Variants in ADAM2 observed in about 807,000 individuals in gnomAD.
ADAM2 encodes the protein ADAM metallopeptidase domain 2.
Under a neutral mutation model 99.3 loss-of-function variants are expected in ADAM2, and 101 were observed. That is an observed-to-expected ratio of 1.02 (90% CI 0.87 to 1.20). The LOEUF (loss-of-function observed/expected upper bound fraction) is 1.20, where lower values mean the gene tolerates loss of function less well. Among genes scored for constraint, ADAM2 ranks in the 50% most tolerant of loss-of-function variants. The probability of loss-of-function intolerance (pLI) is 0.00; values close to 1 mark genes in which losing one functional copy is unlikely to be tolerated. For missense variants in ADAM2, 948 were observed against 878.7 expected (o/e 1.08, Z -1.00); for synonymous variants, 323 against 287.6 (o/e 1.12, Z -1.25).
At chr8:39,778,752 G>C (rs185309510) in intron 10 of ADAM2, among the ~76,000 whole-genome samples, 1 of 152,052 alleles carries the variant, frequency 6.6e-6, no homozygotes, top group Non-Finnish European at 1.5e-5. Context: ...GAGAAGGAGA[G>C]AGAATGATTC....
At chr8:39,775,403 T>C (rs956661391) in intron 11 of ADAM2, among the ~76,000 whole-genome samples, 1 of 152,076 alleles carries the variant, frequency 6.6e-6, no homozygotes, top group Non-Finnish European at 1.5e-5. Context: ...ATCTAGATCG[T>C]TCACCAAGTA....
chr8:39,787,837 A>G (rs931436352), intron 9 of ADAM2, among the ~76,000 whole-genome samples: 3 of 151,708 alleles, frequency 2.0e-5, no homozygotes, highest in Admixed American at 6.6e-5. Flanking sequence ...ATTTTTAATA[A>G]TGTGGTATAT....
intron 4 of ADAM2, among the ~76,000 whole-genome samples, chr8:39,823,842 A>G (rs1481520652): frequency 6.6e-6 from 1 of 152,126 alleles, no homozygotes; most frequent in Non-Finnish European, 1.5e-5. Context: ...AAAGCAACTA[A>G]CCATATCTAT....
In ADAM2 at chr8:39,821,571, A is replaced by C; in HGVS notation, c.344+15T>G. 2 of 1,531,612 alleles carry C rather than the reference A, an allele frequency of 1.3e-6. No individual in the cohort carries two copies. The highest frequency in any genetic ancestry group is 2.3e-5 in the South Asian group (2 of 87,424). 94.9% of individuals were successfully genotyped at this position (1,531,612 alleles called of 1,614,324 possible). A position where few individuals can be genotyped will look rare whatever the true frequency, so the allele number is the denominator to read the frequency against. ...AATATTTTATTTTGTAATTCATAAA[A>C]CAGTAAATTACAACCTGAGTCCAGT... On this transcript the variant is annotated intron_variant, in intron 5 of 20. Transcript: ENST00000265708.
chr8:39,805,372 C>A (rs1171725684), intron 7 of ADAM2, among the ~76,000 whole-genome samples: 1 of 152,004 alleles, frequency 6.6e-6, no homozygotes, highest in African/African-American at 2.4e-5. Context: ...GTTTACAAAG[C>A]CAATGAAAAG....
intron 7 of ADAM2, among the ~76,000 whole-genome samples, chr8:39,808,454 T>C (rs1486243977): frequency 2.0e-5 from 3 of 152,206 alleles, no homozygotes; most frequent in Admixed American, 6.5e-5. Flanking sequence ...GGATATATGA[T>C]GATCATGGAT....
chr8:39,820,213 A>G (rs1805119411), intron 6 of ADAM2, among the ~76,000 whole-genome samples: 1 of 152,192 alleles, frequency 6.6e-6, no homozygotes, highest in South Asian at 2.1e-4. Context: ...AAAGAAGAGA[A>G]TAAGCCAAAG....
chr8:39,813,191 A>C (rs925471799), intron 6 of ADAM2, among the ~76,000 whole-genome samples: 1 of 152,258 alleles, frequency 6.6e-6, no homozygotes, highest in African/African-American at 2.4e-5. Flanking sequence ...ACTGGCCATC[A>C]GAGAAATGCA....
At chr8:39,803,429 C>G (rs974054532) in intron 7 of ADAM2, among the ~76,000 whole-genome samples, 1 of 152,138 alleles carries the variant, frequency 6.6e-6, no homozygotes, top group Non-Finnish European at 1.5e-5. Flanking sequence ...CCAAGGTGCC[C>G]AGTCAACCTG....
intron 6 of ADAM2, 150 bp downstream of exon 6, chr8:39,820,852 G>T: frequency 4.2e-6 from 2 of 476,162 alleles, no homozygotes; most frequent in East Asian, 6.4e-5. Context: ...AATGATATAA[G>T]TTATGAAGTT....
chr8:39,761,269 C>T lies in ADAM2; in HGVS notation c.1520G>A (p.Gly507Asp). Residue 507 changes from glycine to aspartate, a missense_variant, in exon 15 of 21, where the codon GGC becomes GAC. Physicochemically the swap from Gly to Asp is moderately conservative, Grantham distance 94 (BLOSUM62 -1). Transcript: ENST00000265708. ...AAGGTGAGAATAACATTCTGAAGGG[C>T]CAAACTCTACTTCTGAAAATAAAAA... ...TDTFGKEVEF[G>D]PSECYSHLNS... 1 of 1,591,224 alleles carries T rather than the reference C, an allele frequency of 6.3e-7. No individual in the cohort carries two copies. Among genetic ancestry groups the T allele is most frequent in the Non-Finnish European group, 8.6e-7 (1 of 1,167,610 alleles).
At chr8:39,824,468 C>T (rs900441325) in intron 4 of ADAM2, among the ~76,000 whole-genome samples, 5 of 152,098 alleles carry the variant, frequency 3.3e-5, no homozygotes, top group Non-Finnish European at 5.9e-5. Context: ...CTTGAACATA[C>T]TTCAAAGAAG....
At chr8:39,753,806 C>T (rs1217560956) in intron 16 of ADAM2, among the ~76,000 whole-genome samples, 1 of 133,940 alleles carries the variant, frequency 7.5e-6, no homozygotes, top group Non-Finnish European at 1.7e-5. Flanking sequence ...ACCTATAAAA[C>T]AACAAAACAC....
chr8:39,778,188 A>G (rs1410626512), intron 10 of ADAM2, among the ~76,000 whole-genome samples: 2 of 151,850 alleles, frequency 1.3e-5, no homozygotes, highest in Non-Finnish European at 2.9e-5. Flanking sequence ...CCCTTCAAAT[A>G]TATCTACTAA....
Position 39,798,626 on chromosome 8 carries a change from C to G in ADAM2, c.571-9886G>C, listed in dbSNP as rs144513889. Among the ~76,000 whole-genome samples, 14 of 152,274 alleles carry G rather than the reference C, an allele frequency of 9.2e-5. 1 individual carries two copies. Among genetic ancestry groups the G allele is most frequent in the African/African-American group, 3.1e-4 (13 of 41,558 alleles). ...TTCAGAAGTAATGGTACCAGCTCCT[C>G]TTTGTATTTCTGGTAGAATTCAGCT... On this transcript the variant is annotated intron_variant, in intron 7 of 20. Coordinates refer to ENST00000265708, the MANE Select transcript of ADAM2 (RefSeq NM_001464.5).
intron 7 of ADAM2, among the ~76,000 whole-genome samples, chr8:39,809,051 C>CA (rs911374041): frequency 5.9e-5 from 9 of 151,678 alleles, no homozygotes; most frequent in East Asian, 3.9e-4. Context: ...TTCCTGTCTA[C>CA]AAAAAAAATG....
At chr8:39,759,700 T>A (rs904093032) in intron 15 of ADAM2, among the ~76,000 whole-genome samples, 1 of 151,964 alleles carries the variant, frequency 6.6e-6, no homozygotes, top group Non-Finnish European at 1.5e-5. Context: ...ACAGGAAAAA[T>A]GTAAACAACC....
chr8:39,793,413 C>A (rs1035456627), intron 7 of ADAM2, among the ~76,000 whole-genome samples: 1 of 152,034 alleles, frequency 6.6e-6, no homozygotes, highest in Non-Finnish European at 1.5e-5. Context: ...CAAAGGGACA[C>A]CTTGGCTACT....
intron 15 of ADAM2, among the ~76,000 whole-genome samples, chr8:39,759,952 T>C (rs370176294): frequency 6.6e-6 from 1 of 152,120 alleles, no homozygotes; most frequent in African/African-American, 2.4e-5. Flanking sequence ...CTGCAACCTC[T>C]GCCTCCCAGG....
Sources: gnomAD v4.1 joint callset for allele counts (sites outside exome capture counted in the v4.1 genomes callset) on GRCh38, gnomAD v4.1.1 for gene constraint, MANE v1.5 for transcripts, NCBI Gene and HGNC (gene_info 2026-07-23, HGNC 2026-07-21) for gene names.